The following PTH2R variants were observed in gnomAD, a reference collection of about 807,000 sequenced individuals.
PTH2R encodes PTH2 receptor.
Under a neutral mutation model 60.3 loss-of-function variants are expected in PTH2R, and 59 were observed. The observed-to-expected ratio is 0.98, with a 90% CI of 0.79 to 1.22. PTH2R has a LOEUF of 1.22. PTH2R is among the 50% of genes most tolerant of loss of function. PTH2R has a pLI of 0.00. For missense variants in PTH2R, 749 were observed against 682.6 expected, an observed-to-expected ratio of 1.10 and a Z score of -1.08; for synonymous variants, 256 against 243.8, an observed-to-expected ratio of 1.05 and a Z score of -0.47.
intron 7 of PTH2R, among the ~76,000 whole-genome samples, chr2:208,445,686 AG>A (rs1230095580): frequency 1.5e-4 from 23 of 152,164 alleles, no homozygotes; most frequent in Admixed American, 1.5e-3. Context: ...CTAAATTTGA[AG>A]GTTTTTTTCC....
chr2:208,448,183 T>C (rs1244783105), intron 7 of PTH2R, among the ~76,000 whole-genome samples: 1 of 152,198 alleles, frequency 6.6e-6, no homozygotes, highest in Non-Finnish European at 1.5e-5. Context: ...TTTTTGATCA[T>C]CCACTTGGCA....
chr2:208,380,029 G>A (rs909301916), intron 1 of PTH2R, among the ~76,000 whole-genome samples: 1 of 152,044 alleles, frequency 6.6e-6, no homozygotes, highest in African/African-American at 2.4e-5. Flanking sequence ...GTGAACATGG[G>A]CATGACCCCA....
chr2:208,413,141 CCACA>C (rs5838121), intron 1 of PTH2R, among the ~76,000 whole-genome samples: 106,304 of 149,768 alleles, frequency 0.71, 40,962 homozygotes, highest in East Asian at 0.88. Flanking sequence ...TAAAAAGTGA[CCACA>C]CACACACACA....
chr2:208,479,557 A>C (rs180685016), intron 9 of PTH2R, among the ~76,000 whole-genome samples: 52 of 152,346 alleles, frequency 3.4e-4, no homozygotes, highest in Non-Finnish European at 6.2e-4. Flanking sequence ...TTCAGAAAGT[A>C]GCACTCACGT....
At chr2:208,442,632 G>A (rs990220003) in intron 5 of PTH2R, among the ~76,000 whole-genome samples, 171 bp downstream of exon 5, 1 of 152,090 alleles carries the variant, frequency 6.6e-6, no homozygotes, top group African/African-American at 2.4e-5. Flanking sequence ...CAAATTCAGG[G>A]TTCTTTGTTT....
intron 1 of PTH2R, among the ~76,000 whole-genome samples, chr2:208,385,806 A>G (rs1281038603): frequency 1.3e-5 from 2 of 152,268 alleles, no homozygotes; most frequent in East Asian, 3.8e-4. Context: ...ACAGAAGATA[A>G]GAAAACCAAC....
intron 9 of PTH2R, among the ~76,000 whole-genome samples, chr2:208,479,416 C>T (rs1436777908): frequency 1.3e-5 from 2 of 152,216 alleles, no homozygotes; most frequent in South Asian, 2.1e-4. Flanking sequence ...GCTTCAGCTC[C>T]TAGCACTTAG....
chr2:208,379,251 A>T (rs1230220038), intron 1 of PTH2R, among the ~76,000 whole-genome samples: 1 of 152,130 alleles, frequency 6.6e-6, no homozygotes, highest in East Asian at 1.9e-4. Flanking sequence ...TAAAGTTAGC[A>T]GGTAATGTTC....
At chr2:208,449,972 T>TTCAG (rs1240331406) in intron 7 of PTH2R, among the ~76,000 whole-genome samples, 2 of 152,296 alleles carry the variant, frequency 1.3e-5, no homozygotes, top group African/African-American at 4.8e-5. Flanking sequence ...TCTTAAGTCT[T>TTCAG]TCAGTCCCCT....
chr2:208,485,583 A>G (rs3820901), intron 10 of PTH2R, among the ~76,000 whole-genome samples: 87,778 of 152,134 alleles, frequency 0.58, 27,718 homozygotes, highest in Non-Finnish European at 0.69. Flanking sequence ...TGGCATATGC[A>G]AACTAGCAAA....
chr2:208,443,272 T>C, intron 5 of PTH2R, 76 bp from the exon 6 acceptor site: 1 of 1,303,822 alleles, frequency 7.7e-7, no homozygotes, highest in Non-Finnish European at 1.0e-6. Flanking sequence ...TGGTTGGTGG[T>C]GGCAGCAGTC....
chr2:208,437,337 T>C (rs747624860), intron 2 of PTH2R, among the ~76,000 whole-genome samples, 200 bp from the exon 3 acceptor site: 35 of 152,242 alleles, frequency 2.3e-4, no homozygotes, highest in Non-Finnish European at 5.9e-5. Flanking sequence ...AATGTTCCTA[T>C]GAATGAGCCT....
intron 8 of PTH2R, among the ~76,000 whole-genome samples, chr2:208,457,228 T>C (rs1262804360): frequency 6.6e-6 from 1 of 152,216 alleles, no homozygotes; most frequent in Non-Finnish European, 1.5e-5. Flanking sequence ...TTTAGGGTAA[T>C]GTGATTCTGC....
In PTH2R at chr2:208,418,868, C is replaced by T. The variant is rs575649252; in HGVS notation, c.76-9333C>T. On this transcript the variant is annotated intron_variant, in intron 1 of 12. Transcript: ENST00000272847. ...ACTCTTTTTTATAGCTTCATAATAG[C>T]CTATTTTGTAGAAGTACCAAATGTG... Among the ~76,000 whole-genome samples the T allele has an allele frequency of 6.8e-4, 104 of 152,192 alleles. 1 individual carries two copies. Among genetic ancestry groups the T allele is most frequent in the Middle Eastern group, 3.4e-3 (1 of 294 alleles).
At chr2:208,492,690 T>G (rs1703430772) in intron 12 of PTH2R, among the ~76,000 whole-genome samples, 2 of 152,154 alleles carry the variant, frequency 1.3e-5, no homozygotes. Flanking sequence ...TTTTAGTAAA[T>G]GCCCTAAGAA....
At chr2:208,468,688 C>A (rs1702810881) in intron 9 of PTH2R, among the ~76,000 whole-genome samples, 1 of 152,174 alleles carries the variant, frequency 6.6e-6, no homozygotes, top group Non-Finnish European at 1.5e-5. Context: ...GACCTTGATG[C>A]CGTCCAATCT....
intron 1 of PTH2R, among the ~76,000 whole-genome samples, chr2:208,386,568 G>A (rs573319088): frequency 6.6e-6 from 1 of 152,264 alleles, no homozygotes; most frequent in East Asian, 1.9e-4. Flanking sequence ...TAGTCAGGTT[G>A]GGTTGTTATA....
chr2:208,441,779 C>G (rs1242633196), intron 4 of PTH2R, among the ~76,000 whole-genome samples: 1 of 152,126 alleles, frequency 6.6e-6, no homozygotes, highest in African/African-American at 2.4e-5. Flanking sequence ...GATCAAATGA[C>G]ATAGAACTAT....
intron 1 of PTH2R, among the ~76,000 whole-genome samples, chr2:208,362,404 T>C (rs1700492877): frequency 6.6e-6 from 1 of 152,198 alleles, no homozygotes; most frequent in African/African-American, 2.4e-5. Context: ...AATAGATGTC[T>C]CATATATATA....
Sources: allele counts gnomAD v4.1 joint callset (sites outside exome capture counted in the v4.1 genomes callset), GRCh38; gene constraint gnomAD v4.1.1; transcripts MANE v1.5; gene names NCBI Gene and HGNC (gene_info 2026-07-23, HGNC 2026-07-21).